The following COTL1 variants were observed in gnomAD, a reference collection of about 807,000 sequenced individuals.
The protein encoded by COTL1 is coactosin like F-actin binding protein 1, also known as coactosin-like protein.
In COTL1, 15 loss-of-function variants were observed where a neutral mutation model predicts 16.5. The ratio of observed to expected loss-of-function variants is 0.91; its 90% CI spans 0.61 to 1.40. The LOEUF (loss-of-function observed/expected upper bound fraction) is 1.40, where lower values mean the gene tolerates loss of function less well. COTL1 is among the 40% of genes most tolerant of loss of function. The probability of loss-of-function intolerance (pLI) is 0.00; values close to 1 mark genes in which losing one functional copy is unlikely to be tolerated. For missense variants in COTL1, 220 were observed against 201.5 expected (o/e 1.09, Z -0.56); for synonymous variants, 112 against 85.3 (o/e 1.31, Z -1.73).
At chr16:84,578,873 G>A (rs1346847648) in intron 3 of COTL1, among the ~76,000 whole-genome samples, 1 of 150,982 alleles carries the variant, frequency 6.6e-6, no homozygotes, top group Non-Finnish European at 1.5e-5. Context: ...ACACATGCAG[G>A]CATGCATACA....
At chr16:84,617,286 C>T (rs1297030725) in intron 2 of COTL1, among the ~76,000 whole-genome samples, 3 of 152,164 alleles carry the variant, frequency 2.0e-5, no homozygotes, top group Admixed American at 1.3e-4. Flanking sequence ...TGTAGGATGG[C>T]GGAGGCAGGT....
In COTL1 at chr16:84,590,389, G is replaced by T; in HGVS notation, c.161-127C>A. 9.5e-7 allele frequency: 1 copy of T among 1,054,154 alleles called. No homozygotes were observed. Among genetic ancestry groups the T allele is most frequent in the Non-Finnish European group, 1.4e-6 (1 of 731,300 alleles). 65.3% of individuals were successfully genotyped at this position (1,054,154 alleles called of 1,614,324 possible). ...CAGCAGGAGACCGGTGCAGTTCCCT[G>T]GGAGCACCATGTGCAGAGGACAGGA... On this transcript the variant is annotated intron_variant, in intron 2 of 3. Transcript: ENST00000262428. This position sits in a 1 kb window ranked among gnomAD's most constrained non-coding sequence, Gnocchi z 5.5.
In COTL1 at chr16:84,590,430, G is replaced by A. The variant is rs1173480579; in HGVS notation, c.161-168C>T. The A allele has an allele frequency of 2.3e-5, 15 of 644,020 alleles. No homozygotes were observed. Among genetic ancestry groups the A allele is most frequent in the Admixed American group, 6.3e-5 (2 of 31,896 alleles). 39.9% of individuals were successfully genotyped at this position (644,020 alleles called of 1,614,324 possible). On this transcript the variant is annotated intron_variant, in intron 2 of 3. Coordinates refer to ENST00000262428, the MANE Select transcript of COTL1 (RefSeq NM_021149.5). This position sits in a 1 kb window ranked among gnomAD's most constrained non-coding sequence, Gnocchi z 5.5. Reference sequence around the variant, plus strand: ...GAGGACAGGAGGGAAGCACTCATCCGCTGCCCTTGTCACACTCCCCTGAAT... The same window carrying A: ...GAGGACAGGAGGGAAGCACTCATCCACTGCCCTTGTCACACTCCCCTGAAT...
chr16:84,598,405 T>C, intron 2 of COTL1, among the ~76,000 whole-genome samples: 1 of 152,174 alleles, frequency 6.6e-6, no homozygotes, highest in East Asian at 1.9e-4. Flanking sequence ...AGGTCATCTC[T>C]TCAAGGTTCT....
intron 3 of COTL1, chr16:84,567,925 C>A (rs1904305585): frequency 6.6e-6 from 1 of 151,338 alleles, no homozygotes; most frequent in African/African-American, 2.4e-5. Context: ...ATCAAAACCA[C>A]AAATAACACG....
At chr16:84,599,076 C>T (rs1196331906) in intron 2 of COTL1, among the ~76,000 whole-genome samples, 1 of 140,772 alleles carries the variant, frequency 7.1e-6, no homozygotes, top group Non-Finnish European at 1.5e-5. Flanking sequence ...TGAAGGCTTG[C>T]CCCTCCCCCC....
chr16:84,582,560 A>T (rs970164679), intron 3 of COTL1, among the ~76,000 whole-genome samples: 10 of 152,326 alleles, frequency 6.6e-5, no homozygotes, highest in Middle Eastern at 6.8e-3. Flanking sequence ...TTTCCTTGTT[A>T]GTTACTTAAT....
chr16:84,600,443 G>T (rs936273856), intron 2 of COTL1, among the ~76,000 whole-genome samples: 1 of 151,568 alleles, frequency 6.6e-6, no homozygotes, highest in African/African-American at 2.4e-5. Flanking sequence ...CTCCTGAATA[G>T]CAGGGATTAC....
At chr16:84,604,508 C>T (rs1026265596) in intron 2 of COTL1, among the ~76,000 whole-genome samples, 16 of 152,102 alleles carry the variant, frequency 1.1e-4, no homozygotes, top group Non-Finnish European at 2.2e-4. Flanking sequence ...TGGTGATGCA[C>T]CCCACTGAGC....
chr16:84,579,297 G>T (rs1364113937), intron 3 of COTL1, among the ~76,000 whole-genome samples: 1 of 152,216 alleles, frequency 6.6e-6, no homozygotes, highest in Admixed American at 6.5e-5. Context: ...AGGAGTTCGC[G>T]ACCAGTCTGG....
chr16:84,598,672 C>G lies in COTL1; in HGVS notation c.161-8410G>C, dbSNP rs1036661295. Among the ~76,000 whole-genome samples the G allele has an allele frequency of 5.1e-4, 75 of 148,092 alleles. 1 individual carries two copies. Among genetic ancestry groups the G allele is most frequent in the Middle Eastern group, 3.5e-3 (1 of 288 alleles). On this transcript the variant is annotated intron_variant, in intron 2 of 3. Coordinates refer to ENST00000262428, the MANE Select transcript of COTL1 (RefSeq NM_021149.5). ...CTCCCCCCCAACCCCCCCCACCAAC[C>G]CCGACCTCTCTGGAAGAGAGAGGGA...
chr16:84,590,139 C>A lies in COTL1; in HGVS notation c.284G>T (p.Gly95Val). 6.2e-7 allele frequency: 1 copy of A among 1,614,044 alleles called. No homozygotes were observed. Among genetic ancestry groups the A allele is most frequent in the Non-Finnish European group, 8.5e-7 (1 of 1,179,938 alleles). ...CTCCTTCACCAGGGTCTTGTCCGTCCCGGTTTTGGCGCGCTGCAGCCCGCT... is the reference window on the plus strand; with the variant it reads ...CTCCTTCACCAGGGTCTTGTCCGTCACGGTTTTGGCGCGCTGCAGCCCGCT... ...NVSGLQRAKTGTDKTLVKEVV... is the reference protein window; with the variant it reads ...NVSGLQRAKTVTDKTLVKEVV... The change falls in exon 3 of 4, where the codon GGG becomes GTG. Residue 95 changes from glycine to valine, a missense_variant. Transcript: ENST00000262428. The surrounding 1 kb of genome is among the most constrained non-coding windows in gnomAD (Gnocchi z 5.5).
chr16:84,607,436 C>T (rs1467066765), intron 2 of COTL1, among the ~76,000 whole-genome samples: 1 of 152,196 alleles, frequency 6.6e-6, no homozygotes, highest in Admixed American at 6.5e-5. Flanking sequence ...GCGACTCTGG[C>T]TCTCCAAGGA....
chr16:84,614,803 A>C (rs1905429269), intron 2 of COTL1, among the ~76,000 whole-genome samples: 1 of 152,148 alleles, frequency 6.6e-6, no homozygotes, highest in Non-Finnish European at 1.5e-5. Flanking sequence ...CAAGTGGGCA[A>C]CCATGTCATT....
At chr16:84,585,924 C>T (rs1485829463) in intron 3 of COTL1, among the ~76,000 whole-genome samples, 1 of 152,232 alleles carries the variant, frequency 6.6e-6, no homozygotes. Context: ...TGCACATCTG[C>T]GCTTCTTCAT....
intron 2 of COTL1, among the ~76,000 whole-genome samples, chr16:84,599,779 C>T (rs957252452): frequency 4.6e-5 from 7 of 152,260 alleles, no homozygotes; most frequent in African/African-American, 1.7e-4. Context: ...AAAAACAACC[C>T]ACACACCAAA....
chr16:84,587,795 T>A (rs1325330713), intron 3 of COTL1, among the ~76,000 whole-genome samples: 3 of 151,238 alleles, frequency 2.0e-5, no homozygotes, highest in African/African-American at 7.3e-5. Flanking sequence ...TATTTATTTA[T>A]TTTATTTATT....
intron 2 of COTL1, among the ~76,000 whole-genome samples, chr16:84,606,744 G>T (rs1905218541): frequency 6.6e-6 from 1 of 152,190 alleles, no homozygotes; most frequent in Non-Finnish European, 1.5e-5. Context: ...CAACCAATGG[G>T]GGATAAGAGT....
intron 2 of COTL1, among the ~76,000 whole-genome samples, chr16:84,601,296 T>C (rs889982946): frequency 1.3e-5 from 2 of 152,142 alleles, no homozygotes; most frequent in African/African-American, 2.4e-5. Context: ...CAGTCTACCA[T>C]AGCAAACAAA....
Sources: allele counts gnomAD v4.1 joint callset (sites outside exome capture counted in the v4.1 genomes callset), GRCh38; gene constraint gnomAD v4.1.1; non-coding constraint Gnocchi (gnomAD v3.1); transcripts MANE v1.5; gene names NCBI Gene and HGNC (gene_info 2026-07-23, HGNC 2026-07-21).